The following UBE3C variants were observed in gnomAD, a reference collection of about 807,000 sequenced individuals.
UBE3C encodes the protein ubiquitin protein ligase E3C, also known as ubiquitin-protein ligase E3C.
Under a neutral mutation model 129.4 loss-of-function variants are expected in UBE3C, and 42 were observed. The ratio of observed to expected loss-of-function variants is 0.32; its 90% confidence interval spans 0.25 to 0.42. The LOEUF (loss-of-function observed/expected upper bound fraction) is 0.42. Ranked by LOEUF, UBE3C falls within the 10% of genes least tolerant of loss-of-function variation. The pLI is 1.00. For synonymous variants in UBE3C, 510 were observed against 492.4 expected (o/e 1.04, Z -0.47); for missense variants, 1,049 against 1,319.1 (o/e 0.80, Z 3.17).
intron 18 of UBE3C, among the ~76,000 whole-genome samples, chr7:157,242,514 G>GTT (rs33913991): frequency 0.014 from 1,549 of 112,038 alleles, 10 homozygotes; most frequent in African/African-American, 0.029. Context: ...AGCCTGAGTT[G>GTT]TTTTTTTTTT....
chr7:157,151,915 C>G (rs192683224), intron 1 of UBE3C, among the ~76,000 whole-genome samples: 1 of 152,312 alleles, frequency 6.6e-6, no homozygotes, highest in Admixed American at 6.5e-5. Flanking sequence ...TCTGAGAACT[C>G]TTCTGCACAG....
intron 4 of UBE3C, among the ~76,000 whole-genome samples, chr7:157,170,743 C>G (rs953633622): frequency 6.6e-6 from 1 of 152,224 alleles, no homozygotes; most frequent in Non-Finnish European, 1.5e-5. Flanking sequence ...TACCCTGACA[C>G]AGCCTTAGCA....
intron 1 of UBE3C, among the ~76,000 whole-genome samples, chr7:157,159,389 G>A (rs1015210695): frequency 3.3e-5 from 5 of 151,608 alleles, no homozygotes; most frequent in Admixed American, 6.6e-5. Flanking sequence ...AGTTGGTGGC[G>A]GTGAATGGAT....
At chr7:157,159,146 T>C (rs541939813) in intron 1 of UBE3C, among the ~76,000 whole-genome samples, 1 of 152,314 alleles carries the variant, frequency 6.6e-6, no homozygotes, top group Non-Finnish European at 1.5e-5. Context: ...TCTCTCTCCT[T>C]GACTGTTATC....
chr7:157,242,213 A>G (rs1456853515), intron 18 of UBE3C, among the ~76,000 whole-genome samples: 1 of 152,178 alleles, frequency 6.6e-6, no homozygotes, highest in African/African-American at 2.4e-5. Context: ...GAAGTTAGAG[A>G]AAGCAGCAGT....
intron 10 of UBE3C, chr7:157,197,946 C>T: frequency 6.2e-7 from 1 of 1,608,618 alleles, no homozygotes. Context: ...TTGCCCTTCT[C>T]CACTAAAAGC....
chr7:157,146,942 C>T lies in UBE3C; in HGVS notation c.66+7604C>T, dbSNP rs768734688. Among the ~76,000 whole-genome samples the T allele has an allele frequency of 7.9e-5, 12 of 152,184 alleles. 1 individual carries two copies. Among genetic ancestry groups the T allele is most frequent in the East Asian group, 5.8e-4 (3 of 5,200 alleles). On this transcript the variant is annotated intron_variant, in intron 1 of 22. Coordinates refer to ENST00000348165, the MANE Select transcript of UBE3C (RefSeq NM_014671.3). Reference sequence around the variant, plus strand: ...CTGGGGTTACGGGAGTGAGACACCGCGCCCAACCATAGTAAGCATTGAAGT... The same window carrying T: ...CTGGGGTTACGGGAGTGAGACACCGTGCCCAACCATAGTAAGCATTGAAGT...
chr7:157,267,638 C>G lies in UBE3C; in HGVS notation c.3135C>G (p.Leu1045=), dbSNP rs1017876182. 6.2e-7 allele frequency: 1 copy of G among 1,613,256 alleles called. No individual in the cohort carries two copies. The highest frequency in any genetic ancestry group is 8.5e-7 in the Non-Finnish European group (1 of 1,179,856). Reference sequence around the variant, plus strand: ...ACGGAGGCTCCGACCTTGAGCGGCTCCCCACAGCCAGCACCTGCATGAACC... The same window carrying G: ...ACGGAGGCTCCGACCTTGAGCGGCTGCCCACAGCCAGCACCTGCATGAACC... ...IHNGGSDLER[L]PTASTCMNLL... Residue 1045 remains leucine, a synonymous_variant, in exon 23 of 23, where the codon CTC becomes CTG. Transcript: ENST00000348165.
At chr7:157,256,019 C>T (rs927707257) in intron 21 of UBE3C, among the ~76,000 whole-genome samples, 2 of 152,188 alleles carry the variant, frequency 1.3e-5, no homozygotes, top group African/African-American at 2.4e-5. Flanking sequence ...CCTTCTCTGC[C>T]GTCTGTTCAG....
intron 1 of UBE3C, chr7:157,140,011 T>A (rs1807393282): frequency 3.0e-6 from 3 of 985,350 alleles, no homozygotes; most frequent in Non-Finnish European, 3.6e-6. Context: ...CATTAAGTTG[T>A]TCGCATGGTA....
chr7:157,229,728 A>G (rs1417420008), intron 17 of UBE3C, among the ~76,000 whole-genome samples: 3 of 152,056 alleles, frequency 2.0e-5, no homozygotes, highest in East Asian at 1.9e-4. Flanking sequence ...CCTGGGCTCA[A>G]GTGATCCTCT....
chr7:157,182,280 G>A lies in UBE3C; in HGVS notation c.943G>A (p.Ala315Thr), dbSNP rs761779177. The change falls in exon 8 of 23, where the codon GCA becomes ACA. Residue 315 changes from alanine (A) to threonine (T), a missense_variant. By Grantham distance (58) the Ala-to-Thr change is moderately conservative. Transcript: ENST00000348165. The part of the protein sequence containing the change: ...ESRCSRKSGG[A>T]PWLFYFVLTV... ...TAGATGTTCAAGAAAGAGTGGTGGA[G>A]CACCCTGGCTTTTCTATTTCGTTTT... The A allele has an allele frequency of 1.2e-6, 2 of 1,614,094 alleles. No homozygotes were observed. The highest frequency in any genetic ancestry group is 2.2e-5 in the East Asian group (1 of 44,888).
rs750625416 is a variant in UBE3C, at chr7:157,178,860, C to T, written c.616+13C>T. The T allele has an allele frequency of 2.5e-6, 4 of 1,612,956 alleles. No individual in the cohort carries two copies. In the South Asian group the frequency reaches 3.3e-5, roughly 13 times the overall value. Reference sequence around the variant, plus strand: ...ATGATTCACAATGGTAAGTAGTAGGCAGGATCAGAACTGTGGCTCAGCATC... The same window carrying T: ...ATGATTCACAATGGTAAGTAGTAGGTAGGATCAGAACTGTGGCTCAGCATC... On this transcript the variant is annotated intron_variant, in intron 6 of 22. Transcript: ENST00000348165.
chr7:157,242,031 G>A (rs540727266), intron 18 of UBE3C, among the ~76,000 whole-genome samples: 4 of 152,210 alleles, frequency 2.6e-5, no homozygotes, highest in African/African-American at 4.8e-5. Flanking sequence ...GGGATGTGGA[G>A]TTTCTTTTTA....
rs370796468 is a variant in UBE3C at position 157,183,935 on chromosome 7, C to G, written c.1049C>G (p.Ser350Cys). 8.1e-6 allele frequency: 13 copies of G among 1,614,080 alleles called. No homozygotes were observed. The highest frequency in any genetic ancestry group is 1.3e-5 in the African/African-American group (1 of 74,930). Residue 350 changes from serine (S) to cysteine (C), a missense_variant, in exon 9 of 23, where the codon TCT becomes TGT. Physicochemically the swap from Ser to Cys is moderately radical, Grantham distance 112. Coordinates refer to ENST00000348165, the MANE Select transcript of UBE3C (RefSeq NM_014671.3). The part of the protein sequence containing the change: ...VYLRVLQTFL[S>C]QLPVSPASAS... ...TTGCGGGTGCTGCAGACCTTCCTCTCTCAGTTACCAGTCTCTCCTGCCAGC... is the reference window on the plus strand; with the variant it reads ...TTGCGGGTGCTGCAGACCTTCCTCTGTCAGTTACCAGTCTCTCCTGCCAGC...
At chr7:157,227,165 CAA>C (rs903646601) in intron 17 of UBE3C, among the ~76,000 whole-genome samples, 1 of 152,086 alleles carries the variant, frequency 6.6e-6, no homozygotes, top group African/African-American at 2.4e-5. Context: ...TGTGACAAAA[CAA>C]TGAGTTTGCC....
In UBE3C at chr7:157,269,271, A is replaced by G. The variant is rs560859787; in HGVS notation, c.*1516A>G. 11 of 152,522 alleles carry G rather than the reference A, an allele frequency of 7.2e-5. No individual in the cohort carries two copies. Among genetic ancestry groups the G allele is most frequent in the African/African-American group, 2.2e-4 (9 of 41,564 alleles). 9.4% of individuals were successfully genotyped at this position (152,522 alleles called of 1,614,324 possible). ...ATCTGAGACTGAAGAGAAATTGACA[A>G]TTCACTTATTTGTGGTTTTTTTCTC... On this transcript the variant is annotated 3_prime_UTR_variant, in exon 23 of 23. Transcript: ENST00000348165.
intron 19 of UBE3C, 106 bp downstream of exon 19, chr7:157,248,686 GT>G: frequency 8.1e-7 from 1 of 1,241,840 alleles, no homozygotes; most frequent in Non-Finnish European, 1.2e-6. Flanking sequence ...GCACATTTTA[GT>G]TAGAATGACT....
At chr7:157,180,392 C>G (rs1400805006) in intron 6 of UBE3C, among the ~76,000 whole-genome samples, 1 of 152,122 alleles carries the variant, frequency 6.6e-6, no homozygotes, top group African/African-American at 2.4e-5. Context: ...AGCAAAAGAG[C>G]TTTCAAGCTT....
Sources: allele counts gnomAD v4.1 joint callset (sites outside exome capture counted in the v4.1 genomes callset), GRCh38; gene constraint gnomAD v4.1.1; transcripts MANE v1.5; gene names NCBI Gene and HGNC (gene_info 2026-07-23, HGNC 2026-07-21).